The following GATAD1 variants were observed in gnomAD, a reference collection of about 807,000 sequenced individuals.
The protein encoded by GATAD1 is GATA zinc finger domain containing 1, also known as GATA zinc finger domain-containing protein 1.
GATAD1 carries 12 observed loss-of-function variants against 26.5 expected under a neutral mutation model. The observed-to-expected ratio is 0.45, with a 90% CI of 0.29 to 0.73. GATAD1 has a LOEUF of 0.73. Ranked by LOEUF, GATAD1 falls within the 30% of genes least tolerant of loss-of-function variation. GATAD1 has a pLI of 0.10. For synonymous variants in GATAD1, 129 were observed against 133.1 expected (o/e 0.97, Z 0.21); for missense variants, 266 against 342.1 (o/e 0.78, Z 1.75).
chr7:92,490,804 C>T, the GATAD1 span, among the ~76,000 whole-genome samples: 4 of 152,086 alleles, frequency 2.6e-5, no homozygotes, highest in African/African-American at 7.2e-5. Flanking sequence ...TGATACTGCC[C>T]ACATTTAATC....
At chr7:92,482,413 T>A in the GATAD1 span, among the ~76,000 whole-genome samples, 1 of 152,172 alleles carries the variant, frequency 6.6e-6, no homozygotes, top group Admixed American at 6.5e-5. Context: ...CTTATCTGGT[T>A]TTTAGACAGG....
the GATAD1 span, among the ~76,000 whole-genome samples, chr7:92,492,683 A>G: frequency 6.6e-6 from 1 of 152,224 alleles, no homozygotes; most frequent in South Asian, 2.1e-4. Context: ...AATTCATGGT[A>G]TCCCAATTTA....
chr7:92,469,604 G>T, the GATAD1 span: 1 of 682,226 alleles, frequency 1.5e-6, no homozygotes, highest in South Asian at 1.4e-5. Flanking sequence ...CAGACTATTT[G>T]TGTGGGAGGA....
the GATAD1 span, among the ~76,000 whole-genome samples, chr7:92,467,201 C>A: frequency 6.6e-6 from 1 of 152,064 alleles, no homozygotes; most frequent in Admixed American, 6.5e-5. Flanking sequence ...TGCCTGTAAT[C>A]CTAGCTACCA....
chr7:92,458,731 A>G lies in GATAD1; in HGVS notation c.*2169A>G, dbSNP rs1452101602. ...AACAACTATAGGTAGCTACACGTAC[A>G]TAATTATCTCTTTATTCACAAAGGG... On this transcript the variant is annotated 3_prime_UTR_variant, in exon 5 of 5. Coordinates refer to ENST00000287957, the MANE Select transcript of GATAD1 (RefSeq NM_021167.5). 1 of 152,246 alleles carries G rather than the reference A, an allele frequency of 6.6e-6. No individual in the cohort carries two copies. Among genetic ancestry groups the G allele is most frequent in the East Asian group, 1.9e-4 (1 of 5,200 alleles). 9.4% of individuals were successfully genotyped at this position (152,246 alleles called of 1,614,324 possible).
At chr7:92,451,896 G>A (rs1789449396) in intron 3 of GATAD1, among the ~76,000 whole-genome samples, 2 of 152,254 alleles carry the variant, frequency 1.3e-5, no homozygotes, top group Non-Finnish European at 2.9e-5. Flanking sequence ...AAGTCATGGA[G>A]TGAGGCAGTC....
the GATAD1 span, among the ~76,000 whole-genome samples, chr7:92,487,890 C>T: frequency 3.9e-5 from 6 of 152,102 alleles, no homozygotes; most frequent in African/African-American, 1.4e-4. Flanking sequence ...CTGCAACACA[C>T]AATGTTAGTG....
At chr7:92,495,553 T>C in the GATAD1 span, among the ~76,000 whole-genome samples, 1 of 152,210 alleles carries the variant, frequency 6.6e-6, no homozygotes. Flanking sequence ...GTCAATTTTG[T>C]TTTTGTCTAT....
the GATAD1 span, among the ~76,000 whole-genome samples, chr7:92,486,495 A>G: frequency 6.6e-6 from 1 of 152,210 alleles, no homozygotes; most frequent in Non-Finnish European, 1.5e-5. Flanking sequence ...ACAAAGTGCA[A>G]TGCAGGGTGA....
chr7:92,466,406 C>T, the GATAD1 span, among the ~76,000 whole-genome samples: 230 of 152,246 alleles, frequency 1.5e-3, 1 homozygote, highest in Non-Finnish European at 2.8e-3. Context: ...AGCAGTCCTC[C>T]GACCTTGGCC....
chr7:92,468,351 C>T, the GATAD1 span: 1 of 170,456 alleles, frequency 5.9e-6, no homozygotes, highest in South Asian at 1.6e-4. Flanking sequence ...AAGCTCAGCT[C>T]AAGCCGTAAG....
the GATAD1 span, among the ~76,000 whole-genome samples, chr7:92,476,589 CTCTT>C: frequency 6.6e-6 from 1 of 152,108 alleles, no homozygotes; most frequent in African/African-American, 2.4e-5. Flanking sequence ...CTTTCTTTCT[CTCTT>C]TGACTCTCTC....
Position 92,447,905 on chromosome 7 carries a change from G to T in GATAD1, c.176G>T (p.Gly59Val). The change falls in exon 1 of 5, where the codon GGC (glycine) becomes GTC (valine). Residue 59 changes from glycine (G) to valine (V), a missense_variant. By Grantham distance (109) the Gly-to-Val change is moderately radical. Transcript: ENST00000287957. Reference sequence around the variant, plus strand: ...GGGACTGGGGGCAGCGGCGGCGGCGGCTTCGGCGCGGCGACCTTCGCCAGC... The same window carrying T: ...GGGACTGGGGGCAGCGGCGGCGGCGTCTTCGGCGCGGCGACCTTCGCCAGC... The part of the protein sequence containing the change: ...AGGTGGSGGG[G>V]FGAATFASTS... 8.0e-7 allele frequency: 1 copy of T among 1,255,810 alleles called. No homozygotes were observed. Among genetic ancestry groups the T allele is most frequent in the South Asian group, 3.6e-5 (1 of 27,986 alleles). 77.8% of individuals were successfully genotyped at this position (1,255,810 alleles called of 1,614,324 possible).
At chr7:92,489,188 A>G in the GATAD1 span, 15 of 1,046,284 alleles carry the variant, frequency 1.4e-5, no homozygotes, top group Non-Finnish European at 2.2e-5. Flanking sequence ...TAGCTTTTAA[A>G]TATTCAAAAT....
chr7:92,448,658 C>T, intron 1 of GATAD1, 94 bp from the exon 2 acceptor site: 1 of 954,472 alleles, frequency 1.0e-6, no homozygotes. Flanking sequence ...TTATAAAGTA[C>T]ATACTCTGGG....
chr7:92,493,208 C>T, the GATAD1 span: 40 of 839,394 alleles, frequency 4.8e-5, no homozygotes, highest in Non-Finnish European at 6.7e-5. Flanking sequence ...TTATGATTTT[C>T]TTCATAAATT....
At chr7:92,494,410 G>T in the GATAD1 span, 1 of 1,611,968 alleles carries the variant, frequency 6.2e-7, no homozygotes, top group South Asian at 1.1e-5. Flanking sequence ...GAGGAAAAAA[G>T]AACATTTTTT....
Position 92,447,780 on chromosome 7 carries a change from C to A in GATAD1, c.51C>A (p.Ser17=). The A allele has an allele frequency of 6.7e-7, 1 of 1,498,886 alleles. No homozygotes were observed. Among genetic ancestry groups the A allele is most frequent in the Non-Finnish European group, 8.9e-7 (1 of 1,123,634 alleles). 92.8% of individuals were successfully genotyped at this position (1,498,886 alleles called of 1,614,324 possible). ...GCAGCGTATGCAAGACCACGTCGTCCTCCATGTGGAAGAAGGGAGCGCAGG... is the reference window on the plus strand; with the variant it reads ...GCAGCGTATGCAAGACCACGTCGTCATCCATGTGGAAGAAGGGAGCGCAGG... ...PTCSVCKTTS[S]SMWKKGAQGE... is the part of the protein sequence containing the mutation. The change falls in exon 1 of 5, where the codon TCC becomes TCA. Residue 17 remains serine, a synonymous_variant. Coordinates refer to ENST00000287957, the MANE Select transcript of GATAD1 (RefSeq NM_021167.5).
chr7:92,467,057 C>G, the GATAD1 span, among the ~76,000 whole-genome samples: 3 of 151,858 alleles, frequency 2.0e-5, no homozygotes, highest in Non-Finnish European at 4.4e-5. Context: ...ATGGCTCATG[C>G]TTTTAATCCC....
Sources: allele counts gnomAD v4.1 joint callset (sites outside exome capture counted in the v4.1 genomes callset), GRCh38; gene constraint gnomAD v4.1.1; transcripts MANE v1.5; gene names NCBI Gene and HGNC (gene_info 2026-07-23, HGNC 2026-07-21).